IL1R2: variants seen among roughly 807,000 people sequenced by gnomAD.
IL1R2 encodes the protein interleukin-1 receptor type 2.
In IL1R2, 46 loss-of-function variants were observed where a neutral mutation model predicts 39.5. That is an observed-to-expected ratio of 1.16 (90% confidence interval 0.92 to 1.49). The LOEUF (loss-of-function observed/expected upper bound fraction) is 1.49. IL1R2 is among the 40% of genes most tolerant of loss of function. The pLI is 0.00. For missense variants in IL1R2, 537 were observed against 502.0 expected (o/e 1.07, Z -0.67); for synonymous variants, 207 against 189.6 (o/e 1.09, Z -0.75).
At chr2:101,992,474 CAG>C (rs1482810837) in intron 1 of IL1R2, among the ~76,000 whole-genome samples, 2 of 115,578 alleles carry the variant, frequency 1.7e-5, no homozygotes, top group African/African-American at 6.9e-5. Context: ...GACAGAGAGA[CAG>C]AGAGAGGCAG....
In IL1R2 at chr2:102,009,803, T is replaced by C. The variant is rs537497305; in HGVS notation, c.309T>C (p.Ser103=). 5 of 1,614,196 alleles carry C rather than the reference T, an allele frequency of 3.1e-6. No individual in the cohort carries two copies. Among genetic ancestry groups the C allele is most frequent in the African/African-American group, 2.7e-5 (2 of 75,070 alleles). ...LWLLPALQED[S]GTYVCTTRNA... ...TTCTGCCAGCCTTGCAGGAGGACTCTGGCACCTACGTCTGCACTACTAGGT... is the reference window on the plus strand; with the variant it reads ...TTCTGCCAGCCTTGCAGGAGGACTCCGGCACCTACGTCTGCACTACTAGGT... Residue 103 remains serine, a synonymous_variant, in exon 3 of 9, where the codon TCT becomes TCC. Coordinates refer to ENST00000332549, the MANE Select transcript of IL1R2 (RefSeq NM_004633.4).
In IL1R2 at chr2:102,028,331, AAGC is replaced by A; in HGVS notation, c.1139_1141del (p.Ala380del). 1.5e-5 allele frequency: 24 copies of A among 1,611,602 alleles called. No individual in the cohort carries two copies. The highest frequency in any genetic ancestry group is 1.8e-5 in the Non-Finnish European group (21 of 1,179,118). ...AGACGGTGCAAACACAGAACTGGAAAAGCAGATGGTCTGACTGTGCTATGGCCT... is the reference window on the plus strand; with the variant it reads ...AGACGGTGCAAACACAGAACTGGAAAAGATGGTCTGACTGTGCTATGGCCT... On this transcript the variant is annotated inframe_deletion, in exon 9 of 9. Coordinates refer to ENST00000332549, the MANE Select transcript of IL1R2 (RefSeq NM_004633.4).
chr2:102,024,959 T>C (rs1048634653), intron 7 of IL1R2: 2 of 357,032 alleles, frequency 5.6e-6, no homozygotes, highest in African/African-American at 4.2e-5. Context: ...AAAAAATATT[T>C]TGGAGTTCAT....
intron 1 of IL1R2, among the ~76,000 whole-genome samples, chr2:102,004,363 T>A (rs1041119664): frequency 6.6e-6 from 1 of 151,996 alleles, no homozygotes; most frequent in Admixed American, 6.5e-5. Flanking sequence ...CAGCTCTTTC[T>A]ACCTTCCAGC....
intron 8 of IL1R2, among the ~76,000 whole-genome samples, chr2:102,028,004 C>T (rs1677836696): frequency 1.3e-5 from 2 of 152,230 alleles, no homozygotes; most frequent in Admixed American, 1.3e-4. Context: ...TACGATGTTT[C>T]TAACAGATTT....
intron 5 of IL1R2, among the ~76,000 whole-genome samples, chr2:102,020,051 G>T (rs1677271348): frequency 1.3e-5 from 2 of 152,226 alleles, no homozygotes; most frequent in Admixed American, 6.5e-5. Context: ...AGGGTTGCAA[G>T]ATGAAGGCTA....
intron 5 of IL1R2, among the ~76,000 whole-genome samples, chr2:102,021,504 C>A (rs1364649272): frequency 4.6e-5 from 7 of 152,156 alleles, no homozygotes; most frequent in Admixed American, 4.6e-4. Flanking sequence ...TTAGTAGAGA[C>A]AGGGGTTCAC....
intron 3 of IL1R2, 181 bp downstream of exon 3, chr2:102,010,007 A>C: frequency 1.4e-6 from 1 of 704,862 alleles, no homozygotes; most frequent in South Asian, 1.9e-5. Context: ...TTCTGTCTCC[A>C]TTTAGTCTTT....
chr2:102,020,013 G>A (rs1223459722), intron 5 of IL1R2, among the ~76,000 whole-genome samples: 4 of 152,196 alleles, frequency 2.6e-5, no homozygotes, highest in Non-Finnish European at 4.4e-5. Context: ...GTTGTTCTGA[G>A]AACAGGTGAA....
intron 1 of IL1R2, among the ~76,000 whole-genome samples, chr2:101,994,508 A>G (rs1224705772): frequency 1.3e-5 from 2 of 152,216 alleles, no homozygotes. Flanking sequence ...TGGGCTTATG[A>G]AAATGCAGAG....
chr2:102,012,364 G>C (rs1170828866), intron 3 of IL1R2, among the ~76,000 whole-genome samples: 4 of 152,198 alleles, frequency 2.6e-5, no homozygotes, highest in Non-Finnish European at 5.9e-5. Flanking sequence ...AAGAAGGACT[G>C]TACCCAGGAA....
chr2:101,992,316 C>T (rs1306782686), intron 1 of IL1R2, among the ~76,000 whole-genome samples: 10 of 128,686 alleles, frequency 7.8e-5, no homozygotes, highest in African/African-American at 3.1e-4. Context: ...CAGAGAAAGA[C>T]AGAGACAGAG....
At chr2:101,998,924 A>G (rs1173897082) in intron 1 of IL1R2, 3 of 152,264 alleles carry the variant, frequency 2.0e-5, no homozygotes, top group Admixed American at 2.0e-4. Flanking sequence ...AGGCCAGCCC[A>G]CATTCAAGGG....
chr2:101,996,901 C>T (rs991752946), intron 1 of IL1R2, among the ~76,000 whole-genome samples: 1 of 127,848 alleles, frequency 7.8e-6, no homozygotes, highest in Non-Finnish European at 1.6e-5. Context: ...GGCCCTTTCC[C>T]ACTAGGGCAG....
chr2:102,014,568 G>C (rs1676871868), intron 3 of IL1R2, among the ~76,000 whole-genome samples: 1 of 152,164 alleles, frequency 6.6e-6, no homozygotes, highest in Non-Finnish European at 1.5e-5. Context: ...AATATAAACA[G>C]ATATTGGCTT....
At chr2:102,021,195 C>T (rs967806288) in intron 5 of IL1R2, among the ~76,000 whole-genome samples, 1 of 151,890 alleles carries the variant, frequency 6.6e-6, no homozygotes, top group Non-Finnish European at 1.5e-5. Flanking sequence ...AATGCTGTTT[C>T]GTGGAAGTGA....
chr2:102,018,490 G>A (rs1391202661), intron 4 of IL1R2, among the ~76,000 whole-genome samples: 4 of 152,158 alleles, frequency 2.6e-5, no homozygotes, highest in Non-Finnish European at 4.4e-5. Context: ...TGAAGCACCC[G>A]GTGCAGTGCT....
chr2:102,013,366 C>T (rs902565869), intron 3 of IL1R2, among the ~76,000 whole-genome samples: 1 of 151,576 alleles, frequency 6.6e-6, no homozygotes, highest in Non-Finnish European at 1.5e-5. Flanking sequence ...AGAGACTGCC[C>T]TGTTCTCATG....
intron 6 of IL1R2, among the ~76,000 whole-genome samples, chr2:102,024,048 C>CAAAAAAAAAAAAAAAAA: frequency 7.1e-6 from 1 of 139,950 alleles, no homozygotes; most frequent in African/African-American, 2.9e-5. Context: ...GACTCCATCT[C>CAAAAAAAAAAAAAAAAA]AAAAACAAAA....
Sources: gnomAD v4.1 joint callset for allele counts (sites outside exome capture counted in the v4.1 genomes callset) on GRCh38, gnomAD v4.1.1 for gene constraint, MANE v1.5 for transcripts, NCBI Gene and HGNC (gene_info 2026-07-23, HGNC 2026-07-21) for gene names.